CPNE4: variants seen among roughly 807,000 people sequenced by gnomAD.
CPNE4 encodes copine-4.
CPNE4 carries 25 observed loss-of-function variants against 67.9 expected under a neutral mutation model. That is an observed-to-expected ratio of 0.37 (90% CI 0.27 to 0.51). CPNE4 has a LOEUF of 0.51. Ranked by LOEUF, CPNE4 falls within the 20% of genes least tolerant of loss-of-function variation. The probability of loss-of-function intolerance (pLI) is 0.93; values close to 1 mark genes in which losing one functional copy is unlikely to be tolerated. For missense variants in CPNE4, 464 were observed against 690.8 expected (o/e 0.67, Z 3.68); for synonymous variants, 242 against 244.9 (o/e 0.99, Z 0.11).
chr3:131,690,376 A>G (rs1190915335), intron 5 of CPNE4, among the ~76,000 whole-genome samples: 1 of 152,202 alleles, frequency 6.6e-6, no homozygotes, highest in African/African-American at 2.4e-5. Context: ...AGAATCCAGA[A>G]ATAAAGCCAC....
chr3:131,996,280 T>C (rs2073291050), intron 1 of CPNE4, among the ~76,000 whole-genome samples: 1 of 151,970 alleles, frequency 6.6e-6, no homozygotes, highest in Non-Finnish European at 1.5e-5. Context: ...TGGGGGATTG[T>C]GGAAGAACAT....
At chr3:131,985,629 G>A (rs2073023520) in intron 1 of CPNE4, among the ~76,000 whole-genome samples, 1 of 152,116 alleles carries the variant, frequency 6.6e-6, no homozygotes, top group South Asian at 2.1e-4. Context: ...TTCTTTTTCA[G>A]TGCTGCCCCA....
chr3:131,854,715 A>G (rs1045906025), intron 2 of CPNE4, among the ~76,000 whole-genome samples: 1 of 151,624 alleles, frequency 6.6e-6, no homozygotes, highest in African/African-American at 2.4e-5. Flanking sequence ...TGTGTCTGTG[A>G]TTCTTTTATT....
chr3:131,799,903 C>T (rs993788520), intron 2 of CPNE4, among the ~76,000 whole-genome samples: 108 of 136,172 alleles, frequency 7.9e-4, no homozygotes, highest in South Asian at 1.6e-3. Flanking sequence ...TTTGTTGGTG[C>T]GTGTGTGTGT....
rs77372438 is a variant in CPNE4 at position 131,820,555 on chromosome 3, A to C, written c.180+84709T>G. On this transcript the variant is annotated intron_variant, in intron 2 of 15. Transcript: ENST00000429747. ...ACCTGAGTGCTGCATTTCTATATGCAACACATACTATGCAAATAATGTTTG... is the reference window on the plus strand; with the variant it reads ...ACCTGAGTGCTGCATTTCTATATGCCACACATACTATGCAAATAATGTTTG... Among the ~76,000 whole-genome samples, 465 of 152,372 alleles carry C rather than the reference A, an allele frequency of 3.1e-3. 2 individuals are homozygous for C. The highest frequency in any genetic ancestry group is 0.011 in the African/African-American group (452 of 41,590).
intron 15 of CPNE4, among the ~76,000 whole-genome samples, chr3:131,540,657 G>A (rs11922450): frequency 0.012 from 1,808 of 152,220 alleles, 29 homozygotes; most frequent in South Asian, 0.055. Context: ...AGATGTGTCT[G>A]GATATATCTG....
At chr3:131,951,961 T>C (rs1207743526) in intron 1 of CPNE4, among the ~76,000 whole-genome samples, 2 of 152,162 alleles carry the variant, frequency 1.3e-5, no homozygotes, top group Non-Finnish European at 2.9e-5. Flanking sequence ...AGTGCCAAGA[T>C]TGCAGCCTCT....
At chr3:131,553,866 G>A (rs905038102) in intron 12 of CPNE4, among the ~76,000 whole-genome samples, 1 of 152,058 alleles carries the variant, frequency 6.6e-6, no homozygotes, top group African/African-American at 2.4e-5. Flanking sequence ...GCTTGTCTGA[G>A]GAATGGGAGA....
chr3:132,023,589 G>T (rs577054306), intron 1 of CPNE4, among the ~76,000 whole-genome samples: 143 of 138,606 alleles, frequency 1.0e-3, no homozygotes, highest in African/African-American at 3.4e-3. Flanking sequence ...CCGGGTTCAC[G>T]CCATTCTCCT....
chr3:132,010,226 C>A (rs2073719424), intron 1 of CPNE4, among the ~76,000 whole-genome samples: 1 of 152,190 alleles, frequency 6.6e-6, no homozygotes, highest in Admixed American at 6.5e-5. Context: ...GAACCAGCTA[C>A]ACCTAACCTG....
chr3:132,034,022 T>C (rs1296795061), intron 1 of CPNE4, among the ~76,000 whole-genome samples: 1 of 151,964 alleles, frequency 6.6e-6, no homozygotes, highest in Non-Finnish European at 1.5e-5. Flanking sequence ...TTCATTAGTT[T>C]TTAACACTGA....
At chr3:131,949,158 G>C (rs1054281589) in intron 1 of CPNE4, among the ~76,000 whole-genome samples, 1 of 152,142 alleles carries the variant, frequency 6.6e-6, no homozygotes, top group South Asian at 2.1e-4. Context: ...AGTACCCTTT[G>C]CTAAGCCCAT....
chr3:131,831,186 G>A (rs1470807710), intron 2 of CPNE4, among the ~76,000 whole-genome samples: 1 of 151,846 alleles, frequency 6.6e-6, no homozygotes, highest in African/African-American at 2.4e-5. Flanking sequence ...GTCATGTTCT[G>A]GGATCAATAT....
chr3:131,975,745 A>G (rs759975597), intron 1 of CPNE4, among the ~76,000 whole-genome samples: 1 of 152,170 alleles, frequency 6.6e-6, no homozygotes, highest in African/African-American at 2.4e-5. Context: ...AGTTCTTAGC[A>G]CTTCTGTTTG....
chr3:131,581,483 C>A, intron 9 of CPNE4, 96 bp downstream of exon 9: 3 of 796,820 alleles, frequency 3.8e-6, no homozygotes, highest in Non-Finnish European at 6.4e-6. Context: ...AAGATCACAT[C>A]TTTTTGATAC....
intron 2 of CPNE4, among the ~76,000 whole-genome samples, chr3:131,724,143 C>T (rs926064137): frequency 1.3e-5 from 2 of 152,086 alleles, no homozygotes; most frequent in African/African-American, 4.8e-5. Flanking sequence ...GGAGAAAGTG[C>T]TATGTAGGTG....
At chr3:131,601,013 G>T (rs1003017369) in intron 7 of CPNE4, among the ~76,000 whole-genome samples, 1 of 152,052 alleles carries the variant, frequency 6.6e-6, no homozygotes, top group Non-Finnish European at 1.5e-5. Flanking sequence ...TCAGAGAATT[G>T]GTTAAAGAAG....
rs556524680 is a variant in CPNE4 at position 131,715,140 on chromosome 3, AG to A, written c.360+8305del. 9.2e-5 allele frequency among the ~76,000 whole-genome samples: 14 copies of A among 152,308 alleles called. No individual in the cohort carries two copies. In the East Asian group the frequency reaches 2.7e-3, roughly 29 times the overall value. On this transcript the variant is annotated intron_variant, in intron 3 of 15. Coordinates refer to ENST00000429747, the MANE Select transcript of CPNE4 (RefSeq NM_130808.3). ...ATTTTTCATCATGGTTGAAGATGAA[AG>A]GAAGGCCAGAGCAATGCACCTTCTG...
chr3:131,913,803 G>A (rs2089078214), intron 1 of CPNE4, among the ~76,000 whole-genome samples: 1 of 152,178 alleles, frequency 6.6e-6, no homozygotes, highest in Non-Finnish European at 1.5e-5. Context: ...GTGACCTTGA[G>A]TAAGTTACTT....
Sources: gnomAD v4.1 joint callset for allele counts (sites outside exome capture counted in the v4.1 genomes callset) on GRCh38, gnomAD v4.1.1 for gene constraint, MANE v1.5 for transcripts, NCBI Gene and HGNC (gene_info 2026-07-23, HGNC 2026-07-21) for gene names.